The following ZIM2 variants were observed in gnomAD, a reference collection of about 807,000 sequenced individuals.
ZIM2 encodes zinc finger imprinted 2, also known as zinc finger protein 656.
Under a neutral mutation model 38.6 loss-of-function variants are expected in ZIM2, and 14 were observed. The ratio of observed to expected loss-of-function variants is 0.36; its 90% CI spans 0.24 to 0.57. The LOEUF (loss-of-function observed/expected upper bound fraction) is 0.57, where lower values mean the gene tolerates loss of function less well. Among genes scored for constraint, ZIM2 ranks in the 20% least tolerant of loss-of-function variants. ZIM2 has a pLI of 0.81. For synonymous variants in ZIM2, 247 were observed against 245.8 expected, an observed-to-expected ratio of 1.00 and a Z score of -0.04; for missense variants, 680 against 695.1, an observed-to-expected ratio of 0.98 and a Z score of 0.24.
chr19:56,819,964 AAAC>A (rs1482616744), intron 7 of ZIM2, among the ~76,000 whole-genome samples: 1 of 152,224 alleles, frequency 6.6e-6, no homozygotes, highest in Non-Finnish European at 1.5e-5. Flanking sequence ...AAAAAAGCAG[AAAC>A]AACAACAAAA....
intron 10 of ZIM2, 93 bp downstream of exon 10, chr19:56,789,779 T>A (rs956675271): frequency 1.3e-5 from 14 of 1,096,854 alleles, no homozygotes; most frequent in African/African-American, 1.6e-5. Context: ...TTAATGGAAA[T>A]GAGTATGTGG....
In ZIM2 at chr19:56,774,632, A is replaced by G; in HGVS notation, c.*56T>C. 1 of 1,564,474 alleles carries G rather than the reference A, an allele frequency of 6.4e-7. No individual in the cohort carries two copies. Among genetic ancestry groups the G allele is most frequent in the East Asian group, 2.3e-5 (1 of 44,394 alleles). ...TGAAAGGCCTTCTCACACTCACAAC[A>G]CTCTAGGAGGAAGCCAATAATGTTG... On this transcript the variant is annotated 3_prime_UTR_variant, in exon 13 of 13. Coordinates refer to ENST00000629319, the MANE Select transcript of ZIM2 (RefSeq NM_001387356.1).
At chr19:56,816,671 C>G in intron 9 of ZIM2, 3 of 1,614,104 alleles carry the variant, frequency 1.9e-6, no homozygotes, top group Non-Finnish European at 2.5e-6. Context: ...CGCTCATTAT[C>G]TTTGTCATCC....
At chr19:56,836,183 C>G in intron 1 of ZIM2, 79 bp from the exon 2 acceptor site, 1 of 406,204 alleles carries the variant, frequency 2.5e-6, no homozygotes, top group Non-Finnish European at 5.0e-6. Flanking sequence ...AATACCACAA[C>G]AGTTCCACAT....
At chr19:56,790,258 T>C (rs1401358839) in intron 9 of ZIM2, among the ~76,000 whole-genome samples, 1 of 152,210 alleles carries the variant, frequency 6.6e-6, no homozygotes, top group Non-Finnish European at 1.5e-5. Context: ...AGAACCTCTG[T>C]TTCTCAACTG....
intron 9 of ZIM2, among the ~76,000 whole-genome samples, chr19:56,794,588 A>C (rs1053390928): frequency 2.0e-5 from 3 of 152,222 alleles, no homozygotes; most frequent in Non-Finnish European, 2.9e-5. Context: ...TCTTGACACA[A>C]TCTGCCAAAT....
intron 9 of ZIM2, chr19:56,811,307 TAATGAACTGTTTA>T (rs2059526362): frequency 2.2e-6 from 2 of 907,294 alleles, no homozygotes; most frequent in South Asian, 1.0e-4. Context: ...TAAACAGTTA[TAATGAACTGTTTA>T]AATGAACTGT....
At chr19:56,778,952 T>C (rs1334712401) in intron 12 of ZIM2, among the ~76,000 whole-genome samples, 1 of 151,852 alleles carries the variant, frequency 6.6e-6, no homozygotes, top group Non-Finnish European at 1.5e-5. Flanking sequence ...AGTAGGGGGA[T>C]GGAAACCAGA....
At chr19:56,830,773 AG>A (rs138922846) in intron 2 of ZIM2, among the ~76,000 whole-genome samples, 7,559 of 152,200 alleles carry the variant, frequency 0.05, 605 homozygotes, top group African/African-American at 0.17. Flanking sequence ...AATTTACAGA[AG>A]GAACACAAAA....
chr19:56,804,122 G>A (rs2047651692), intron 9 of ZIM2, among the ~76,000 whole-genome samples: 2 of 152,364 alleles, frequency 1.3e-5, no homozygotes, highest in South Asian at 4.1e-4. Flanking sequence ...CGTGGGGATA[G>A]CAGGGGTGAG....
intron 9 of ZIM2, chr19:56,815,271 C>T (rs2059868974): frequency 1.2e-6 from 2 of 1,614,116 alleles, no homozygotes; most frequent in Non-Finnish European, 1.7e-6. Flanking sequence ...CGCCATGAGA[C>T]TTCTCTTGGT....
chr19:56,808,608 G>A (rs2047884791), intron 9 of ZIM2, among the ~76,000 whole-genome samples: 1 of 152,096 alleles, frequency 6.6e-6, no homozygotes, highest in African/African-American at 2.4e-5. Flanking sequence ...TCTAGGGGAG[G>A]AGTGACTTAA....
chr19:56,815,632 G>A (rs1451591222), intron 9 of ZIM2: 1 of 1,614,130 alleles, frequency 6.2e-7, no homozygotes, highest in Non-Finnish European at 8.5e-7. Flanking sequence ...TTTCTTTTTA[G>A]CACGAGCCTT....
intron 2 of ZIM2, among the ~76,000 whole-genome samples, chr19:56,829,100 C>G (rs956457229): frequency 6.6e-6 from 1 of 152,074 alleles, no homozygotes; most frequent in African/African-American, 2.4e-5. Flanking sequence ...CCTGTAATCC[C>G]AGCACTTTGG....
chr19:56,816,095 C>G (rs2870476), intron 9 of ZIM2: 1 of 1,609,120 alleles, frequency 6.2e-7, no homozygotes, highest in Non-Finnish European at 8.5e-7. Flanking sequence ...TCCACAGAGG[C>G]TAAGCTATGA....
intron 1 of ZIM2, among the ~76,000 whole-genome samples, chr19:56,839,408 T>C (rs946376221): frequency 1.3e-5 from 2 of 151,130 alleles, no homozygotes; most frequent in African/African-American, 4.9e-5. Flanking sequence ...CCATCAAACA[T>C]GGCGTCCAAG....
At chr19:56,831,068 T>C (rs2061527598) in intron 2 of ZIM2, among the ~76,000 whole-genome samples, 1 of 152,228 alleles carries the variant, frequency 6.6e-6, no homozygotes, top group African/African-American at 2.4e-5. Flanking sequence ...TTTGACAAAC[T>C]GATAATCCAG....
chr19:56,795,093 C>T lies in ZIM2; in HGVS notation c.491-5142G>A, dbSNP rs796853387. Among the ~76,000 whole-genome samples the T allele has an allele frequency of 1.6e-4, 25 of 151,910 alleles. 1 individual carries two copies. Among genetic ancestry groups the T allele is most frequent in the African/African-American group, 5.6e-4 (23 of 41,424 alleles). On this transcript the variant is annotated intron_variant, in intron 9 of 12. Coordinates refer to ENST00000629319, the MANE Select transcript of ZIM2 (RefSeq NM_001387356.1). The stretch of plus-strand genomic sequence containing the variant: ...TTTTTGAGGCAGAGTCTCGCTCAGT[C>T]GCCCAGGCTGGAGTGCAGTGGCGCA...
intron 10 of ZIM2, 99 bp downstream of exon 10, chr19:56,789,773 T>G: frequency 1.9e-6 from 2 of 1,058,122 alleles, no homozygotes; most frequent in Non-Finnish European, 2.5e-6. Flanking sequence ...AAAAACTTAA[T>G]GGAAATGAGT....
Sources: gnomAD v4.1 joint callset for allele counts (sites outside exome capture counted in the v4.1 genomes callset) on GRCh38, gnomAD v4.1.1 for gene constraint, MANE v1.5 for transcripts, NCBI Gene and HGNC (gene_info 2026-07-23, HGNC 2026-07-21) for gene names.